SDHB: variants seen among roughly 807,000 people sequenced by gnomAD.
SDHB encodes succinate dehydrogenase complex iron sulfur subunit B, also known as succinate dehydrogenase [ubiquinone] iron-sulfur subunit, mitochondrial.
In SDHB, 21 loss-of-function variants were observed where a neutral mutation model predicts 39.7. The ratio of observed to expected loss-of-function variants is 0.53; its 90% CI spans 0.37 to 0.76. The LOEUF is 0.76. Ranked by LOEUF, SDHB falls within the 30% of genes least tolerant of loss-of-function variation. SDHB has a pLI of 0.00. For synonymous variants in SDHB, 118 were observed against 117.0 expected (o/e 1.01, Z -0.06); for missense variants, 343 against 350.9 (o/e 0.98, Z 0.18).
chr1:17,034,262 C>G (rs776115962), intron 2 of SDHB, among the ~76,000 whole-genome samples: 1 of 152,176 alleles, frequency 6.6e-6, no homozygotes, highest in Non-Finnish European at 1.5e-5. Flanking sequence ...ATCCTCCTGC[C>G]TCAGCCCCCC....
chr1:17,020,857 C>A (rs1232570073), intron 7 of SDHB, among the ~76,000 whole-genome samples: 1 of 152,198 alleles, frequency 6.6e-6, no homozygotes, highest in Non-Finnish European at 1.5e-5. Flanking sequence ...TGGGCTCCCC[C>A]AGCGAGGCCA....
chr1:17,040,723 C>T (rs1486747413), intron 2 of SDHB, among the ~76,000 whole-genome samples: 1 of 152,118 alleles, frequency 6.6e-6, no homozygotes, highest in Non-Finnish European at 1.5e-5. Flanking sequence ...CTCAGCTTCC[C>T]AAAGTGCTGG....
chr1:17,030,338 G>A (rs1162660129), intron 3 of SDHB, among the ~76,000 whole-genome samples: 1 of 152,108 alleles, frequency 6.6e-6, no homozygotes, highest in Non-Finnish European at 1.5e-5. Flanking sequence ...ACTTGACAGA[G>A]GTAAGGCTTC....
intron 5 of SDHB, among the ~76,000 whole-genome samples, chr1:17,025,139 A>C (rs1371565322): frequency 5.3e-5 from 8 of 152,202 alleles, no homozygotes; most frequent in Non-Finnish European, 1.2e-4. Context: ...AAAAAATTGG[A>C]AACAATTTCA....
At chr1:17,024,409 A>G (rs1432297403) in intron 5 of SDHB, among the ~76,000 whole-genome samples, 1 of 152,186 alleles carries the variant, frequency 6.6e-6, no homozygotes, top group Admixed American at 6.5e-5. Flanking sequence ...AATGAGGTCA[A>G]GACGGGAGAG....
In SDHB at chr1:17,033,077, C is replaced by T. The variant is rs570278423; in HGVS notation, c.269G>A (p.Arg90Gln). 38 of 1,613,296 alleles carry T rather than the reference C, an allele frequency of 2.4e-5. No individual in the cohort carries two copies. The highest frequency in any genetic ancestry group is 1.6e-4 in the Middle Eastern group (1 of 6,062). ...ATGCTCACCTTCTCTGCATGATCTT[C>T]GGAAGGTCAAAGTAGAGTCAACTTC... is the stretch of plus-strand genomic sequence containing the variant. ...KNEVDSTLTF[R>Q]RSCREGICGS... Residue 90 changes from arginine (R) to glutamine (Q), a missense_variant, in exon 3 of 8, where the codon CGA becomes CAA. Physicochemically the swap from Arg to Gln is conservative, Grantham distance 43. Coordinates refer to ENST00000375499, the MANE Select transcript of SDHB (RefSeq NM_003000.3).
chr1:17,034,060 GC>G (rs879932039), intron 2 of SDHB, among the ~76,000 whole-genome samples: 6 of 152,144 alleles, frequency 3.9e-5, no homozygotes, highest in Non-Finnish European at 8.8e-5. Context: ...TTGCCACCCT[GC>G]CCCCATTCCA....
chr1:17,022,353 T>G (rs888392622), intron 7 of SDHB, among the ~76,000 whole-genome samples: 2 of 152,178 alleles, frequency 1.3e-5, no homozygotes, highest in African/African-American at 4.8e-5. Flanking sequence ...TGGGTTCCTG[T>G]GCATCCTTAA....
chr1:17,051,842 A>T (rs1336532030), intron 1 of SDHB, among the ~76,000 whole-genome samples: 6 of 142,388 alleles, frequency 4.2e-5, no homozygotes, highest in African/African-American at 1.5e-4. Flanking sequence ...CATTTTTTAA[A>T]TTTTTTTTTT....
At chr1:17,045,837 GA>G (rs1570958769) in intron 1 of SDHB, among the ~76,000 whole-genome samples, 1 of 152,168 alleles carries the variant, frequency 6.6e-6, no homozygotes, top group Non-Finnish European at 1.5e-5. Context: ...TAACTAATAG[GA>G]AACCCGTACA....
chr1:17,023,961 G>T lies in SDHB; in HGVS notation c.642+12C>A. 6.3e-7 allele frequency: 1 copy of T among 1,594,366 alleles called. No individual in the cohort carries two copies. ...TTTCAATTTCTCTTAAAGCAATTAA[G>T]GAGCACCTCACCTGCATAAGAACTG... On this transcript the variant is annotated intron_variant, in intron 6 of 7. Transcript: ENST00000375499.
At chr1:17,024,640 C>G in intron 5 of SDHB, among the ~76,000 whole-genome samples, 1 of 152,176 alleles carries the variant, frequency 6.6e-6, no homozygotes, top group East Asian at 1.9e-4. Context: ...AGGTAAGGAA[C>G]CAAGGCGAGG....
At chr1:17,024,990 C>CA (rs2077983969) in intron 5 of SDHB, among the ~76,000 whole-genome samples, 2 of 152,158 alleles carry the variant, frequency 1.3e-5, no homozygotes, top group African/African-American at 4.8e-5. Context: ...GTCTAGAAGG[C>CA]ATAAGGTCAC....
chr1:17,034,772 T>C (rs2078042396), intron 2 of SDHB, among the ~76,000 whole-genome samples: 1 of 152,224 alleles, frequency 6.6e-6, no homozygotes, highest in African/African-American at 2.4e-5. Context: ...ACCTTTGCTA[T>C]TCTGATACTG....
chr1:17,047,789 C>A (rs2078122060), intron 1 of SDHB, among the ~76,000 whole-genome samples: 1 of 152,238 alleles, frequency 6.6e-6, no homozygotes, highest in South Asian at 2.1e-4. Context: ...ATCCTCCCAT[C>A]TCAGCTTCCC....
At chr1:17,049,077 G>A (rs1018405774) in intron 1 of SDHB, among the ~76,000 whole-genome samples, 3 of 152,076 alleles carry the variant, frequency 2.0e-5, no homozygotes, top group Non-Finnish European at 4.4e-5. Context: ...ATGGCTCACT[G>A]CAGCCTTTAA....
chr1:17,032,374 G>A (rs2078028717), intron 3 of SDHB, among the ~76,000 whole-genome samples: 1 of 151,864 alleles, frequency 6.6e-6, no homozygotes, highest in Non-Finnish European at 1.5e-5. Context: ...TTTTAGTAGA[G>A]ACAAGGTTTC....
At chr1:17,022,564 G>T (rs781329558) in intron 7 of SDHB, 44 bp downstream of exon 7, 17 of 1,610,890 alleles carry the variant, frequency 1.1e-5, no homozygotes, top group Non-Finnish European at 1.4e-5. Flanking sequence ...TACTTCTGGC[G>T]TGTCAGCTCT....
chr1:17,036,689 T>C (rs1462304469), intron 2 of SDHB, among the ~76,000 whole-genome samples: 1 of 144,086 alleles, frequency 6.9e-6, no homozygotes, highest in African/African-American at 2.5e-5. Context: ...TAAATATAAA[T>C]ATTTATATAA....
Sources: gnomAD v4.1 joint callset for allele counts (sites outside exome capture counted in the v4.1 genomes callset) on GRCh38, gnomAD v4.1.1 for gene constraint, MANE v1.5 for transcripts, NCBI Gene and HGNC (gene_info 2026-07-23, HGNC 2026-07-21) for gene names.